The following GOLPH3 variants were observed in gnomAD, a reference collection of about 807,000 sequenced individuals.
GOLPH3 encodes the protein golgi phosphoprotein 3.
In GOLPH3, 14 loss-of-function variants were observed where a neutral mutation model predicts 28.5. The ratio of observed to expected loss-of-function variants is 0.49; its 90% CI spans 0.32 to 0.77. GOLPH3 has a LOEUF of 0.77. GOLPH3 is among the 30% of genes least tolerant of loss of function. The pLI, the probability that GOLPH3 is intolerant of heterozygous loss-of-function variation, is 0.03. For missense variants in GOLPH3, 350 were observed against 393.7 expected, an observed-to-expected ratio of 0.89 and a Z score of 0.94; for synonymous variants, 158 against 159.2, an observed-to-expected ratio of 0.99 and a Z score of 0.06.
intron 1 of GOLPH3, among the ~76,000 whole-genome samples, chr5:32,162,424 G>A (rs978251308): frequency 2.6e-5 from 4 of 151,624 alleles, no homozygotes; most frequent in East Asian, 3.9e-4. Flanking sequence ...CCCGGGAGGC[G>A]GAGCTTGCGG....
rs114538084 is a variant in GOLPH3, at chr5:32,156,542, T to C, written c.226-12662A>G. ...TCTGTTGTTTATAAGTCACACTGTCTATTGTGGTAGTCCCAACCTTTTTGG... is the reference window on the plus strand; with the variant it reads ...TCTGTTGTTTATAAGTCACACTGTCCATTGTGGTAGTCCCAACCTTTTTGG... On this transcript the variant is annotated intron_variant, in intron 1 of 3. Transcript: ENST00000265070. 5.5e-3 allele frequency among the ~76,000 whole-genome samples: 841 copies of C among 152,216 alleles called. 5 individuals are homozygous for C. The highest frequency in any genetic ancestry group is 0.019 in the African/African-American group (797 of 41,536).
At chr5:32,167,982 T>C (rs982197322) in intron 1 of GOLPH3, among the ~76,000 whole-genome samples, 10 of 152,130 alleles carry the variant, frequency 6.6e-5, no homozygotes, top group Admixed American at 5.9e-4. Flanking sequence ...TCAAATAGTT[T>C]AATGAACTTC....
In GOLPH3 at chr5:32,158,123, TAAATAAAATACACAC is replaced by T. The variant is rs1561679138; in HGVS notation, c.226-14258_226-14244del. Among the ~76,000 whole-genome samples, 37 of 86,670 alleles carry T rather than the reference TAAATAAAATACACAC, an allele frequency of 4.3e-4. 2 individuals are homozygous for T. The highest frequency in any genetic ancestry group is 1.7e-3 in the African/African-American group (34 of 19,724). 56.9% of individuals were successfully genotyped at this position (86,670 alleles called of 152,430 possible). ...ATAAATAAATAAATAAATAAATAAA[TAAATAAAATACACAC>T]ACACACACACACACACACACACACA... On this transcript the variant is annotated intron_variant, in intron 1 of 3. Transcript: ENST00000265070.
At chr5:32,158,018 TAAAATAC>T (rs1746473726) in intron 1 of GOLPH3, among the ~76,000 whole-genome samples, 33 of 26,978 alleles carry the variant, frequency 1.2e-3, no homozygotes, top group African/African-American at 1.6e-3. Context: ...AATAAATAAA[TAAAATAC>T]ACACACACAC....
intron 2 of GOLPH3, among the ~76,000 whole-genome samples, chr5:32,136,857 T>C (rs1169718267): frequency 6.6e-6 from 1 of 152,232 alleles, no homozygotes; most frequent in African/African-American, 2.4e-5. Flanking sequence ...CTCAATCTTA[T>C]ATTATAAAGG....
At chr5:32,132,191 G>A (rs1745839720) in intron 3 of GOLPH3, among the ~76,000 whole-genome samples, 1 of 152,032 alleles carries the variant, frequency 6.6e-6, no homozygotes, top group African/African-American at 2.4e-5. Flanking sequence ...GTAGTCTCTC[G>A]ACTTGCCTCA....
At chr5:32,163,104 C>A (rs612225) in intron 1 of GOLPH3, among the ~76,000 whole-genome samples, 124,885 of 152,194 alleles carry the variant, frequency 0.82, 54,316 homozygotes, top group South Asian at 0.96. Flanking sequence ...AAAGTAGGCC[C>A]ATTTTGCCCA....
intron 2 of GOLPH3, among the ~76,000 whole-genome samples, chr5:32,136,840 T>C (rs989404208): frequency 2.6e-5 from 4 of 152,224 alleles, no homozygotes; most frequent in Admixed American, 6.5e-5. Context: ...ATTTCAGATA[T>C]AGGATACTCA....
chr5:32,153,591 CATTTTT>C (rs1355046806), intron 1 of GOLPH3, among the ~76,000 whole-genome samples: 1 of 152,126 alleles, frequency 6.6e-6, no homozygotes, highest in African/African-American at 2.4e-5. Flanking sequence ...GTAATGTTGA[CATTTTT>C]ATTTTGAAAC....
rs1305902619 is a variant in GOLPH3, at chr5:32,143,801, C to T, written c.305G>A (p.Arg102Lys). The T allele has an allele frequency of 1.2e-6, 2 of 1,603,940 alleles. No individual in the cohort carries two copies. The highest frequency in any genetic ancestry group is 1.7e-6 in the Non-Finnish European group (2 of 1,176,800). Residue 102 changes from arginine (R) to lysine (K), a missense_variant, in exon 2 of 4, where the codon AGG (arginine) becomes AAG (lysine). Transcript: ENST00000265070. ...CATTCCACAAGCCTCTAGTTGTAAC[C>T]TTCCTCTCAATGCTAATTCAATTAA... The part of the protein sequence containing the change: ...CMLIELALRG[R>K]LQLEACGMRR...
intron 1 of GOLPH3, among the ~76,000 whole-genome samples, chr5:32,158,517 C>T (rs1238870780): frequency 6.6e-6 from 1 of 152,124 alleles, no homozygotes; most frequent in East Asian, 1.9e-4. Flanking sequence ...CGGACCAACC[C>T]TGCCCTATCT....
chr5:32,157,577 A>G (rs569560869), intron 1 of GOLPH3, among the ~76,000 whole-genome samples: 1 of 152,312 alleles, frequency 6.6e-6, no homozygotes, highest in Admixed American at 6.5e-5. Flanking sequence ...GATCAATCCA[A>G]CTGTCACTTT....
chr5:32,168,558 G>A lies in GOLPH3; in HGVS notation c.225+5252C>T, dbSNP rs549697967. Among the ~76,000 whole-genome samples the A allele has an allele frequency of 9.2e-5, 14 of 152,258 alleles. No homozygotes were observed. In the East Asian group the frequency reaches 2.7e-3, roughly 29 times the overall value. On this transcript the variant is annotated intron_variant, in intron 1 of 3. Coordinates refer to ENST00000265070, the MANE Select transcript of GOLPH3 (RefSeq NM_022130.4). The stretch of plus-strand genomic sequence containing the variant: ...TCTTTAAAAAGCAACTTTACTGGAA[G>A]GCTGTTGAAACTCACAACACTGAAA...
At chr5:32,158,023 T>A (rs201941104) in intron 1 of GOLPH3, among the ~76,000 whole-genome samples, 12 of 26,744 alleles carry the variant, frequency 4.5e-4, no homozygotes, top group East Asian at 4.1e-3. Flanking sequence ...ATAAATAAAA[T>A]ACACACACAC....
At chr5:32,171,763 C>T (rs1746842632) in intron 1 of GOLPH3, among the ~76,000 whole-genome samples, 1 of 151,878 alleles carries the variant, frequency 6.6e-6, no homozygotes, top group South Asian at 2.1e-4. Flanking sequence ...GCCTGACAAA[C>T]ATGGTGAAAC....
At position 32,126,169 on chromosome 5, in the gene GOLPH3, T is replaced by G; in HGVS notation, c.*43A>C. ...CAGAAGTCAACAGAAGAAAAACTAC[T>G]GGTTTACTTGAGAGAAAGGAGAATG... On this transcript the variant is annotated 3_prime_UTR_variant, in exon 4 of 4. Coordinates refer to ENST00000265070, the MANE Select transcript of GOLPH3 (RefSeq NM_022130.4). 2 of 1,541,494 alleles carry G rather than the reference T, an allele frequency of 1.3e-6. No individual in the cohort carries two copies. Among genetic ancestry groups the G allele is most frequent in the Non-Finnish European group, 1.8e-6 (2 of 1,139,710 alleles).
chr5:32,164,994 G>T (rs1391037502), intron 1 of GOLPH3, among the ~76,000 whole-genome samples: 1 of 149,242 alleles, frequency 6.7e-6, no homozygotes, highest in Non-Finnish European at 1.5e-5. Flanking sequence ...CCACCTCCTG[G>T]GTTCATGTGA....
chr5:32,162,935 G>C (rs1450121188), intron 1 of GOLPH3, among the ~76,000 whole-genome samples: 3 of 152,026 alleles, frequency 2.0e-5, no homozygotes, highest in Non-Finnish European at 4.4e-5. Context: ...AAAATTAGCC[G>C]GGTGTGGTGG....
Position 32,173,870 on chromosome 5 carries a change from G to C in GOLPH3, c.165C>G (p.Ser55=). ...CCATCAGGGTCAGCCGCGTTTCCTT[G>C]GAGTCGCCCTTGTCGTCGTCGTCCT... The part of the protein sequence containing the change: ...DEQDDDDKGD[S]KETRLTLMEE... The change falls in exon 1 of 4, where the codon TCC becomes TCG. Residue 55 remains serine (S), a synonymous_variant. Transcript: ENST00000265070. The C allele has an allele frequency of 6.5e-7, 1 of 1,528,088 alleles. No individual in the cohort carries two copies. The highest frequency in any genetic ancestry group is 1.8e-4 in the Middle Eastern group (1 of 5,696). The allele number at this position is 1,528,088 out of a possible 1,614,324, so 94.7% of individuals were successfully genotyped here.
Sources: allele counts gnomAD v4.1 joint callset (sites outside exome capture counted in the v4.1 genomes callset), GRCh38; gene constraint gnomAD v4.1.1; transcripts MANE v1.5; gene names NCBI Gene and HGNC (gene_info 2026-07-23, HGNC 2026-07-21).